Variants in PDE4D observed in about 807,000 individuals in gnomAD.
PDE4D encodes the protein phosphodiesterase 4D, also known as 3',5'-cyclic-AMP phosphodiesterase 4D.
PDE4D carries 24 observed loss-of-function variants against 87.4 expected under a neutral mutation model. That is an observed-to-expected ratio of 0.27 (90% CI 0.20 to 0.39). The LOEUF is 0.39. Ranked by LOEUF, PDE4D falls within the 10% of genes least tolerant of loss-of-function variation. The pLI is 1.00. For missense variants in PDE4D, 714 were observed against 1,041.0 expected, an observed-to-expected ratio of 0.69 and a Z score of 4.32; for synonymous variants, 384 against 383.2, an observed-to-expected ratio of 1.00 and a Z score of -0.02.
chr5:59,936,149 G>T (rs993962181), intron 3 of PDE4D, among the ~76,000 whole-genome samples: 10 of 152,060 alleles, frequency 6.6e-5, no homozygotes, highest in Middle Eastern at 3.2e-3. Context: ...CTCATAGGTG[G>T]GAATTGAACA....
intron 5 of PDE4D, among the ~76,000 whole-genome samples, chr5:59,135,629 C>T (rs767810557): frequency 5.9e-5 from 9 of 152,120 alleles, no homozygotes; most frequent in East Asian, 1.9e-4. Flanking sequence ...AAATAATCCA[C>T]GTTCTATTTA....
At chr5:60,245,042 C>CCA (rs1747593728) in intron 1 of PDE4D, among the ~76,000 whole-genome samples, 1 of 151,926 alleles carries the variant, frequency 6.6e-6, no homozygotes, top group African/African-American at 2.4e-5. Context: ...TGCAAACTAT[C>CCA]CATCTGATAA....
At chr5:59,530,710 G>A (rs1197610803) in intron 1 of PDE4D, among the ~76,000 whole-genome samples, 1 of 152,100 alleles carries the variant, frequency 6.6e-6, no homozygotes, top group Non-Finnish European at 1.5e-5. Context: ...AAAATTGATG[G>A]TGAATTTCAC....
chr5:59,714,041 G>T (rs1225347028), intron 1 of PDE4D, among the ~76,000 whole-genome samples: 1 of 152,172 alleles, frequency 6.6e-6, no homozygotes, highest in African/African-American at 2.4e-5. Context: ...ATGCAGGCCT[G>T]GGTCCGTCAT....
At chr5:59,859,429 G>A (rs559078054) in intron 1 of PDE4D, among the ~76,000 whole-genome samples, 9 of 152,194 alleles carry the variant, frequency 5.9e-5, no homozygotes, top group African/African-American at 1.9e-4. Context: ...TTAGGCCTCC[G>A]ACAGAAATCC....
chr5:60,413,677 G>A (rs963801896), intron 1 of PDE4D, among the ~76,000 whole-genome samples: 2 of 151,774 alleles, frequency 1.3e-5, no homozygotes, highest in African/African-American at 4.8e-5. Flanking sequence ...GAGAATTTGG[G>A]AGTGGTTTGT....
At chr5:59,188,298 C>T (rs779237851) in intron 3 of PDE4D, among the ~76,000 whole-genome samples, 1 of 152,030 alleles carries the variant, frequency 6.6e-6, no homozygotes, top group African/African-American at 2.4e-5. Context: ...TATAGCCAGT[C>T]AATGTCAAAA....
chr5:59,104,966 A>G (rs540972874), intron 5 of PDE4D, among the ~76,000 whole-genome samples: 1 of 152,330 alleles, frequency 6.6e-6, no homozygotes, highest in African/African-American at 2.4e-5. Flanking sequence ...CACCCAAATT[A>G]CATACTGTGA....
chr5:59,053,943 A>G (rs1414914674), intron 5 of PDE4D, among the ~76,000 whole-genome samples: 3 of 152,028 alleles, frequency 2.0e-5, no homozygotes, highest in Admixed American at 6.6e-5. Flanking sequence ...TTCCATTTTT[A>G]CCAATACCAC....
chr5:60,318,128 T>C (rs1379024158), intron 1 of PDE4D, among the ~76,000 whole-genome samples: 1 of 152,204 alleles, frequency 6.6e-6, no homozygotes, highest in Non-Finnish European at 1.5e-5. Context: ...TAAGTCTCTT[T>C]CTAGGTCTCT....
chr5:60,374,293 A>C (rs549978565), intron 1 of PDE4D, among the ~76,000 whole-genome samples: 5 of 152,176 alleles, frequency 3.3e-5, no homozygotes, highest in Admixed American at 1.3e-4. Context: ...CTCTCCCCCC[A>C]AAAAAACACC....
chr5:59,176,777 T>C (rs1783962000), intron 5 of PDE4D, among the ~76,000 whole-genome samples: 1 of 152,152 alleles, frequency 6.6e-6, no homozygotes, highest in Non-Finnish European at 1.5e-5. Context: ...CAAACAACTA[T>C]GACTCAAAAG....
intron 2 of PDE4D, among the ~76,000 whole-genome samples, chr5:60,126,725 T>C (rs1779152586): frequency 6.6e-6 from 1 of 152,200 alleles, no homozygotes; most frequent in African/African-American, 2.4e-5. Flanking sequence ...AAATACTTAT[T>C]TAGACTCTCT....
intron 1 of PDE4D, among the ~76,000 whole-genome samples, chr5:59,564,588 G>T (rs773629174): frequency 1.4e-4 from 21 of 152,186 alleles, no homozygotes; most frequent in Non-Finnish European, 2.8e-4. Flanking sequence ...CTAGAGCTCT[G>T]CATATCCAAA....
intron 1 of PDE4D, among the ~76,000 whole-genome samples, chr5:60,267,034 A>G (rs1277053577): frequency 6.6e-6 from 1 of 152,248 alleles, no homozygotes; most frequent in Non-Finnish European, 1.5e-5. Flanking sequence ...AGATCTTATG[A>G]AGATGACAGT....
intron 1 of PDE4D, among the ~76,000 whole-genome samples, chr5:60,274,710 A>G (rs755042889): frequency 3.3e-5 from 5 of 152,202 alleles, no homozygotes; most frequent in Admixed American, 6.5e-5. Flanking sequence ...CAGTGACTCT[A>G]CAACCTCAGG....
intron 1 of PDE4D, among the ~76,000 whole-genome samples, chr5:59,782,468 C>T (rs1764732306): frequency 6.6e-6 from 1 of 152,172 alleles, no homozygotes; most frequent in African/African-American, 2.4e-5. Context: ...CCCCTGGATA[C>T]TTAAGCCATA....
intron 5 of PDE4D, among the ~76,000 whole-genome samples, chr5:59,042,862 T>C (rs1406352964): frequency 6.6e-6 from 1 of 152,162 alleles, no homozygotes; most frequent in East Asian, 1.9e-4. Context: ...CCTGAAACTG[T>C]GCCAGGGGCT....
At chr5:59,335,330 T>C (rs1399644190) in intron 1 of PDE4D, among the ~76,000 whole-genome samples, 7 of 152,142 alleles carry the variant, frequency 4.6e-5, no homozygotes, top group Admixed American at 2.0e-4. Context: ...CTTCTGACAG[T>C]AAAATCTCCA....
Sources: allele counts gnomAD v4.1 joint callset (sites outside exome capture counted in the v4.1 genomes callset), GRCh38; gene constraint gnomAD v4.1.1; transcripts MANE v1.5; gene names NCBI Gene and HGNC (gene_info 2026-07-23, HGNC 2026-07-21).